NSMCE2: variants seen among roughly 807,000 people sequenced by gnomAD.
NSMCE2 encodes the protein E3 SUMO-protein ligase NSE2.
A neutral mutation model predicts 23.8 loss-of-function variants in NSMCE2; 24 were observed. The ratio of observed to expected loss-of-function variants is 1.01; its 90% CI spans 0.73 to 1.42. The LOEUF is 1.42. NSMCE2 is among the 40% of genes most tolerant of loss of function. The pLI, the probability that NSMCE2 is intolerant of heterozygous loss-of-function variation, is 0.00. For missense variants in NSMCE2, 284 were observed against 296.5 expected (o/e 0.96, Z 0.31); for synonymous variants, 92 against 94.1 (o/e 0.98, Z 0.13).
chr8:125,125,729 C>T (rs1165449243), intron 3 of NSMCE2, among the ~76,000 whole-genome samples: 2 of 152,210 alleles, frequency 1.3e-5, no homozygotes, highest in Non-Finnish European at 2.9e-5. Context: ...TAGTCTGCCA[C>T]AGTGTGGCAG....
intron 5 of NSMCE2, among the ~76,000 whole-genome samples, chr8:125,226,347 A>G (rs80088574): frequency 0.022 from 3,285 of 152,316 alleles, 128 homozygotes; most frequent in African/African-American, 0.075. Flanking sequence ...CAGATGATAA[A>G]TTCTAATCAT....
chr8:125,309,139 C>G (rs1250946615), intron 5 of NSMCE2, among the ~76,000 whole-genome samples: 1 of 150,598 alleles, frequency 6.6e-6, no homozygotes, highest in East Asian at 2.0e-4. Flanking sequence ...ACCACCTACT[C>G]AGGAGGCTGA....
intron 5 of NSMCE2, among the ~76,000 whole-genome samples, chr8:125,320,339 G>T (rs1829404677): frequency 6.6e-6 from 1 of 151,114 alleles, no homozygotes. Flanking sequence ...AAGGCAGGCT[G>T]AAAATTTTCC....
intron 5 of NSMCE2, among the ~76,000 whole-genome samples, chr8:125,263,017 T>A (rs1465972016): frequency 2.0e-5 from 3 of 152,218 alleles, no homozygotes; most frequent in Admixed American, 2.0e-4. Context: ...TTCCTCCACT[T>A]CCTGTGCAGG....
chr8:125,268,167 G>A (rs1486324132), intron 5 of NSMCE2, among the ~76,000 whole-genome samples: 2 of 151,834 alleles, frequency 1.3e-5, no homozygotes, highest in Non-Finnish European at 2.9e-5. Flanking sequence ...CTGGGAGGTC[G>A]AGGCTGCGGT....
chr8:125,272,740 CAT>C (rs1323106303), intron 5 of NSMCE2, among the ~76,000 whole-genome samples: 1 of 130,832 alleles, frequency 7.6e-6, no homozygotes, highest in African/African-American at 2.9e-5. Context: ...CACACACACA[CAT>C]ATATATACAC....
intron 3 of NSMCE2, among the ~76,000 whole-genome samples, chr8:125,131,700 G>C (rs2130565778): frequency 6.6e-6 from 1 of 152,260 alleles, no homozygotes; most frequent in East Asian, 1.9e-4. Context: ...TGCAGTCTTA[G>C]AGGCACCTGG....
At chr8:125,295,618 A>T (rs1828291978) in intron 5 of NSMCE2, among the ~76,000 whole-genome samples, 1 of 152,196 alleles carries the variant, frequency 6.6e-6, no homozygotes, top group East Asian at 1.9e-4. Flanking sequence ...TAAAGAACTG[A>T]GAGTGGATCA....
At chr8:125,260,646 A>G (rs563155018) in intron 5 of NSMCE2, among the ~76,000 whole-genome samples, 16 of 150,906 alleles carry the variant, frequency 1.1e-4, no homozygotes, top group African/African-American at 3.9e-4. Context: ...CTTTTTTGAG[A>G]TGGAGTCTTG....
At chr8:125,148,323 T>A (rs1820801341) in intron 3 of NSMCE2, among the ~76,000 whole-genome samples, 1 of 152,216 alleles carries the variant, frequency 6.6e-6, no homozygotes, top group African/African-American at 2.4e-5. Context: ...GCTTACTATC[T>A]GGCTCAGGTC....
chr8:125,195,931 G>C (rs1198097526), intron 5 of NSMCE2, among the ~76,000 whole-genome samples: 3 of 136,434 alleles, frequency 2.2e-5, no homozygotes, highest in Non-Finnish European at 4.6e-5. Flanking sequence ...CTGTCACCCA[G>C]GCTGGAGTGC....
chr8:125,335,702 A>T (rs1830046866), intron 5 of NSMCE2, among the ~76,000 whole-genome samples: 1 of 152,230 alleles, frequency 6.6e-6, no homozygotes, highest in Non-Finnish European at 1.5e-5. Context: ...TCCTTATTTG[A>T]CAGATCATTG....
intron 4 of NSMCE2, among the ~76,000 whole-genome samples, chr8:125,154,872 A>G (rs1204427099): frequency 6.6e-6 from 1 of 152,184 alleles, no homozygotes; most frequent in African/African-American, 2.4e-5. Flanking sequence ...TGATGACCTG[A>G]TGTTTCCTCC....
At position 125,271,132 on chromosome 8, in the gene NSMCE2, G is replaced by A. The variant is rs140300496; in HGVS notation, c.419-86087G>A. On this transcript the variant is annotated intron_variant, in intron 5 of 7. Coordinates refer to ENST00000287437, the MANE Select transcript of NSMCE2 (RefSeq NM_173685.4). Reference sequence around the variant, plus strand: ...AAAATTTTGCCAGGCATGGTGGTGCGCACCTATAATCCCAGCTACTCAGGA... The same window carrying A: ...AAAATTTTGCCAGGCATGGTGGTGCACACCTATAATCCCAGCTACTCAGGA... 2.4e-3 allele frequency among the ~76,000 whole-genome samples: 358 copies of A among 151,980 alleles called. 1 individual carries two copies. Among genetic ancestry groups the A allele is most frequent in the African/African-American group, 8.4e-3 (348 of 41,464 alleles).
chr8:125,299,277 G>A (rs188977573), intron 5 of NSMCE2, among the ~76,000 whole-genome samples: 9 of 152,212 alleles, frequency 5.9e-5, no homozygotes, highest in East Asian at 5.8e-4. Context: ...AGTGTGCTCC[G>A]TTTTTAAAAA....
intron 5 of NSMCE2, among the ~76,000 whole-genome samples, chr8:125,286,171 GC>G (rs1236747155): frequency 2.6e-5 from 4 of 152,120 alleles, no homozygotes; most frequent in Admixed American, 1.3e-4. Context: ...ATCAGTGAAA[GC>G]CAAAGGTTTT....
intron 3 of NSMCE2, among the ~76,000 whole-genome samples, chr8:125,143,146 G>A (rs542408526): frequency 6.6e-6 from 1 of 152,122 alleles, no homozygotes; most frequent in East Asian, 1.9e-4. Flanking sequence ...GTATAGATGT[G>A]TGTTGCTAGA....
At chr8:125,235,388 T>A (rs1586651400) in intron 5 of NSMCE2, among the ~76,000 whole-genome samples, 1 of 152,204 alleles carries the variant, frequency 6.6e-6, no homozygotes, top group Admixed American at 6.5e-5. Flanking sequence ...ACAAAAGTTA[T>A]ATATGCTTGT....
chr8:125,297,519 A>G (rs1288327709), intron 5 of NSMCE2, among the ~76,000 whole-genome samples: 2 of 152,188 alleles, frequency 1.3e-5, no homozygotes, highest in Non-Finnish European at 2.9e-5. Context: ...TCCTTCTGGA[A>G]TGAGACACAG....
Sources: gnomAD v4.1 joint callset for allele counts (sites outside exome capture counted in the v4.1 genomes callset) on GRCh38, gnomAD v4.1.1 for gene constraint, MANE v1.5 for transcripts, NCBI Gene and HGNC (gene_info 2026-07-23, HGNC 2026-07-21) for gene names.